AIG1: variants seen among roughly 807,000 people sequenced by gnomAD.
The protein encoded by AIG1 is androgen-induced gene 1 protein.
In AIG1, 23 loss-of-function variants were observed where a neutral mutation model predicts 31.4. The ratio of observed to expected loss-of-function variants is 0.73; its 90% confidence interval spans 0.53 to 1.04. The LOEUF (loss-of-function observed/expected upper bound fraction) is 1.04. AIG1 is among the 50% of genes least tolerant of loss of function. AIG1 has a pLI of 0.00. For synonymous variants in AIG1, 100 were observed against 110.5 expected (o/e 0.90, Z 0.60); for missense variants, 274 against 295.0 (o/e 0.93, Z 0.52).
At chr6:143,128,205 A>T (rs1782868044) in intron 1 of AIG1, among the ~76,000 whole-genome samples, 3 of 152,232 alleles carry the variant, frequency 2.0e-5, no homozygotes. Flanking sequence ...TTCAAAAAAG[A>T]TAAAGACATG....
intron 3 of AIG1, among the ~76,000 whole-genome samples, chr6:143,196,057 G>A (rs1224648452): frequency 6.6e-6 from 1 of 152,188 alleles, no homozygotes; most frequent in Non-Finnish European, 1.5e-5. Flanking sequence ...AAGAGGTGCT[G>A]TTTCTGGCCT....
intron 3 of AIG1, among the ~76,000 whole-genome samples, chr6:143,259,690 C>T (rs900629597): frequency 6.6e-6 from 1 of 152,258 alleles, no homozygotes; most frequent in South Asian, 2.1e-4. Flanking sequence ...GGAACGTACC[C>T]CCAAACTTAG....
At chr6:143,217,317 T>A (rs1472526479) in intron 3 of AIG1, among the ~76,000 whole-genome samples, 1 of 152,202 alleles carries the variant, frequency 6.6e-6, no homozygotes, top group East Asian at 1.9e-4. Context: ...GATATGATGG[T>A]TGCATAATAT....
At chr6:143,343,110 T>G, downstream of AIG1, 1 of 769,750 alleles carries the variant, frequency 1.3e-6, no homozygotes, top group East Asian at 2.4e-5. Flanking sequence ...CTGTCCGCAC[T>G]AAGATCCCAG....
At chr6:143,185,050 G>A (rs183645671) in intron 3 of AIG1, among the ~76,000 whole-genome samples, 3 of 152,184 alleles carry the variant, frequency 2.0e-5, no homozygotes, top group African/African-American at 4.8e-5. Flanking sequence ...ACAAAAATTC[G>A]CTGGGTGTGG....
chr6:143,220,177 G>T (rs1281248355), intron 3 of AIG1, among the ~76,000 whole-genome samples: 1 of 152,078 alleles, frequency 6.6e-6, no homozygotes, highest in African/African-American at 2.4e-5. Flanking sequence ...CTTATTTCAG[G>T]TTCCAGCTTG....
chr6:143,077,989 T>C (rs747747754), intron 1 of AIG1, among the ~76,000 whole-genome samples: 5 of 152,210 alleles, frequency 3.3e-5, no homozygotes, highest in Non-Finnish European at 5.9e-5. Flanking sequence ...CAGGACTCCA[T>C]TGATATGCAT....
intron 2 of AIG1, among the ~76,000 whole-genome samples, chr6:143,141,316 C>T (rs1044744102): frequency 2.0e-5 from 3 of 152,184 alleles, no homozygotes; most frequent in African/African-American, 7.2e-5. Context: ...TACATTAATG[C>T]TTCCTCCAGT....
intron 4 of AIG1, among the ~76,000 whole-genome samples, chr6:143,317,376 C>A (rs1466231527): frequency 6.6e-6 from 1 of 151,844 alleles, no homozygotes; most frequent in Non-Finnish European, 1.5e-5. Context: ...AATGTGGTAC[C>A]CCACATAAAC....
intron 1 of AIG1, among the ~76,000 whole-genome samples, chr6:143,081,264 A>G (rs760390047): frequency 1.3e-5 from 2 of 152,124 alleles, no homozygotes; most frequent in Non-Finnish European, 2.9e-5. Context: ...GGCACAGTGT[A>G]AGTGATATTG....
rs771210623 is a variant in AIG1 at position 143,209,724 on chromosome 6, T to C, written c.399+44541T>C. On this transcript the variant is annotated intron_variant, in intron 3 of 5. Coordinates refer to ENST00000357847, the MANE Select transcript of AIG1 (RefSeq NM_016108.4). ...GACCTTGGAATTGTGAGATAATAAA[T>C]ATGTATTGTTGTAGGCCCCCAAGTT... is the stretch of plus-strand genomic sequence containing the variant. 2.0e-4 allele frequency among the ~76,000 whole-genome samples: 31 copies of C among 152,138 alleles called. 1 individual carries two copies. The highest frequency in any genetic ancestry group is 2.9e-5 in the Non-Finnish European group (2 of 68,038).
chr6:143,171,083 A>G (rs1284457915), intron 3 of AIG1, among the ~76,000 whole-genome samples: 2 of 152,000 alleles, frequency 1.3e-5, no homozygotes, highest in Non-Finnish European at 2.9e-5. Context: ...TGGGAGAGAT[A>G]TGAACATCCA....
rs1798115136 is a variant in AIG1 at position 143,292,380 on chromosome 6, G to A, written c.515+8155G>A. 1.3e-5 allele frequency among the ~76,000 whole-genome samples: 2 copies of A among 152,220 alleles called. No homozygotes were observed. Among genetic ancestry groups the A allele is most frequent in the Admixed American group, 6.5e-5 (1 of 15,290 alleles). On this transcript the variant is annotated intron_variant, in intron 4 of 5. Transcript: ENST00000357847. This position sits in a 1 kb window ranked among gnomAD's most constrained non-coding sequence, Gnocchi z 4.9. ...AGAGCCATTCACAACTGTGGTCAGA[G>A]AGAGACATGACTGCCGAAGGACAGT...
At chr6:143,265,102 T>G (rs951640821) in intron 3 of AIG1, among the ~76,000 whole-genome samples, 3 of 152,230 alleles carry the variant, frequency 2.0e-5, no homozygotes, top group Non-Finnish European at 2.9e-5. Flanking sequence ...ATCTCATTAC[T>G]TGTTATCATC....
chr6:143,114,278 TTTTG>T (rs1481470089), intron 1 of AIG1, among the ~76,000 whole-genome samples: 2 of 152,224 alleles, frequency 1.3e-5, no homozygotes, highest in Admixed American at 1.3e-4. Flanking sequence ...TTTGTTTTGG[TTTTG>T]TTTTTCTCCT....
rs551775625 is a variant in AIG1 at position 143,267,406 on chromosome 6, C to T, written c.400-16704C>T. 2.0e-5 allele frequency among the ~76,000 whole-genome samples: 3 copies of T among 152,318 alleles called. No individual in the cohort carries two copies. The East Asian group carries it at 5.8e-4, about 29-fold the overall frequency. ...GTGTTCTACTTTCATAATCCATAAG[C>T]TGCCTATCCTCGTATAGCACAGCAC... On this transcript the variant is annotated intron_variant, in intron 3 of 5. Coordinates refer to ENST00000357847, the MANE Select transcript of AIG1 (RefSeq NM_016108.4).
intron 3 of AIG1, among the ~76,000 whole-genome samples, chr6:143,264,520 C>T (rs563722945): frequency 1.3e-5 from 2 of 152,288 alleles, no homozygotes; most frequent in South Asian, 4.1e-4. Context: ...TGCACAGAGC[C>T]ATGGTGGATG....
intron 3 of AIG1, among the ~76,000 whole-genome samples, chr6:143,166,436 C>T (rs7754987): frequency 6.7e-4 from 102 of 152,312 alleles, no homozygotes; most frequent in African/African-American, 2.3e-3. Context: ...CTCAGTCTTT[C>T]CTGACAAATT....
intron 5 of AIG1, chr6:143,335,327 A>G: frequency 3.2e-6 from 1 of 315,126 alleles, no homozygotes; most frequent in Non-Finnish European, 5.8e-6. Context: ...AGGTCAAGAG[A>G]TGGAGACCAT....
Sources: gnomAD v4.1 joint callset for allele counts (sites outside exome capture counted in the v4.1 genomes callset) on GRCh38, gnomAD v4.1.1 for gene constraint, Gnocchi (gnomAD v3.1) non-coding constraint, MANE v1.5 for transcripts, NCBI Gene and HGNC (gene_info 2026-07-23, HGNC 2026-07-21) for gene names.